The following CNTN5 variants were observed in gnomAD, a reference collection of about 807,000 sequenced individuals.
CNTN5 encodes contactin 5, also known as contactin-5.
CNTN5 carries 77 observed loss-of-function variants against 129.1 expected under a neutral mutation model. That is an observed-to-expected ratio of 0.60 (90% CI 0.50 to 0.72). CNTN5 has a LOEUF of 0.72. CNTN5 is among the 30% of genes least tolerant of loss of function. The pLI is 0.00. For synonymous variants in CNTN5, 509 were observed against 465.6 expected (o/e 1.09, Z -1.20); for missense variants, 1,478 against 1,328.8 (o/e 1.11, Z -1.75).
intron 8 of CNTN5, among the ~76,000 whole-genome samples, chr11:99,973,815 AT>A (rs1937743697): frequency 6.6e-6 from 1 of 152,210 alleles, no homozygotes; most frequent in Non-Finnish European, 1.5e-5. Flanking sequence ...AATTTGTAAT[AT>A]TTAGAAGTGT....
chr11:99,208,128 C>T (rs1036185027), intron 1 of CNTN5, among the ~76,000 whole-genome samples: 1 of 151,970 alleles, frequency 6.6e-6, no homozygotes, highest in Non-Finnish European at 1.5e-5. Flanking sequence ...TCATTGGGTG[C>T]GTGAAAAAGC....
intron 13 of CNTN5, among the ~76,000 whole-genome samples, chr11:100,183,500 A>T (rs1468430833): frequency 1.3e-5 from 2 of 152,200 alleles, no homozygotes; most frequent in Admixed American, 6.5e-5. Context: ...AAACTAGAGT[A>T]AAAGTATGTA....
chr11:99,621,417 A>AT (rs1368682813), intron 3 of CNTN5, among the ~76,000 whole-genome samples: 4 of 152,190 alleles, frequency 2.6e-5, no homozygotes, highest in Non-Finnish European at 4.4e-5. Context: ...AAAAAAGGAT[A>AT]TTTTTTCATA....
intron 6 of CNTN5, among the ~76,000 whole-genome samples, chr11:99,908,262 A>T (rs1949563899): frequency 6.6e-6 from 1 of 151,992 alleles, no homozygotes; most frequent in African/African-American, 2.4e-5. Context: ...TATATAAGGA[A>T]ATATTATGAA....
intron 2 of CNTN5, among the ~76,000 whole-genome samples, chr11:99,343,368 A>C (rs981794571): frequency 6.6e-6 from 1 of 152,210 alleles, no homozygotes. Context: ...TCAGCTCAGC[A>C]TGATAAAAAG....
chr11:99,686,144 T>C (rs1318962297), intron 3 of CNTN5, among the ~76,000 whole-genome samples: 2 of 152,056 alleles, frequency 1.3e-5, no homozygotes, highest in Non-Finnish European at 2.9e-5. Context: ...TATGTATATA[T>C]CTTTTAATCT....
chr11:100,241,630 C>G (rs1015362453), intron 16 of CNTN5, among the ~76,000 whole-genome samples: 1 of 152,156 alleles, frequency 6.6e-6, no homozygotes, highest in Non-Finnish European at 1.5e-5. Flanking sequence ...AGTCTTCAAA[C>G]GACAATCACA....
At chr11:99,571,331 A>G (rs572240091) in intron 3 of CNTN5, among the ~76,000 whole-genome samples, 143 of 152,314 alleles carry the variant, frequency 9.4e-4, no homozygotes, top group Non-Finnish European at 1.7e-3. Flanking sequence ...CAGCTGTATC[A>G]ATAATGCCTA....
At chr11:99,322,017 G>A (rs1865594824) in intron 1 of CNTN5, among the ~76,000 whole-genome samples, 1 of 152,114 alleles carries the variant, frequency 6.6e-6, no homozygotes, top group African/African-American at 2.4e-5. Context: ...TTACCAAATT[G>A]TAGAGTGTCC....
intron 8 of CNTN5, among the ~76,000 whole-genome samples, chr11:99,959,935 T>G (rs1950897829): frequency 6.6e-6 from 1 of 152,128 alleles, no homozygotes; most frequent in East Asian, 1.9e-4. Context: ...CCATTTTTTT[T>G]TTAAATCCAC....
At chr11:100,281,702 C>T (rs1950644980) in intron 18 of CNTN5, among the ~76,000 whole-genome samples, 1 of 152,106 alleles carries the variant, frequency 6.6e-6, no homozygotes, top group Admixed American at 6.5e-5. Flanking sequence ...TCTACCTTGT[C>T]TTTAAGGCCA....
chr11:99,102,356 C>T (rs1344007270), intron 1 of CNTN5, among the ~76,000 whole-genome samples: 1 of 152,192 alleles, frequency 6.6e-6, no homozygotes, highest in Non-Finnish European at 1.5e-5. Context: ...ATGCAAATTT[C>T]TGCAGCCAGC....
At chr11:99,622,822 T>G (rs1950996033) in intron 3 of CNTN5, among the ~76,000 whole-genome samples, 1 of 135,510 alleles carries the variant, frequency 7.4e-6, no homozygotes, top group Non-Finnish European at 1.6e-5. Context: ...TGTTTCACCT[T>G]TTTATTAGAA....
chr11:99,527,029 T>C lies in CNTN5; in HGVS notation c.-70-29116T>C, dbSNP rs898154120. Among the ~76,000 whole-genome samples, 3 of 152,250 alleles carry C rather than the reference T, an allele frequency of 2.0e-5. No homozygotes were observed. The East Asian group carries it at 5.8e-4, about 29-fold the overall frequency. ...TACCCAATCACCTTTGTGCTCATTG[T>C]AAGCCTGTTAACATCTCACATATCT... is the stretch of plus-strand genomic sequence containing the variant. On this transcript the variant is annotated intron_variant, in intron 2 of 24. Coordinates refer to ENST00000524871, the MANE Select transcript of CNTN5 (RefSeq NM_014361.4).
chr11:100,292,575 A>G (rs868501557), intron 18 of CNTN5, among the ~76,000 whole-genome samples: 1 of 151,958 alleles, frequency 6.6e-6, no homozygotes. Flanking sequence ...AAGCATCTGA[A>G]CTTCTCTATA....
chr11:99,469,550 C>T (rs1471185277), intron 2 of CNTN5, among the ~76,000 whole-genome samples: 1 of 151,966 alleles, frequency 6.6e-6, no homozygotes, highest in Non-Finnish European at 1.5e-5. Flanking sequence ...TTTTATAGCT[C>T]TGATTTTCCC....
intron 1 of CNTN5, among the ~76,000 whole-genome samples, chr11:99,097,513 G>A (rs1196332326): frequency 6.6e-6 from 1 of 151,716 alleles, no homozygotes; most frequent in East Asian, 1.9e-4. Context: ...ATCCATAATA[G>A]CATACCATAC....
At chr11:100,009,154 A>AGT (rs1940366566) in intron 9 of CNTN5, among the ~76,000 whole-genome samples, 2 of 152,130 alleles carry the variant, frequency 1.3e-5, no homozygotes, top group African/African-American at 4.8e-5. Flanking sequence ...AAAAAGCCAT[A>AGT]AGCTGCAAGC....
At chr11:100,056,291 A>T (rs1222938309) in intron 9 of CNTN5, among the ~76,000 whole-genome samples, 1 of 151,736 alleles carries the variant, frequency 6.6e-6, no homozygotes, top group African/African-American at 2.4e-5. Flanking sequence ...CAATTTAATA[A>T]ATTGGAGCAA....
Sources: gnomAD v4.1 joint callset for allele counts (sites outside exome capture counted in the v4.1 genomes callset) on GRCh38, gnomAD v4.1.1 for gene constraint, MANE v1.5 for transcripts, NCBI Gene and HGNC (gene_info 2026-07-23, HGNC 2026-07-21) for gene names.